DENND2C: variants seen among roughly 807,000 people sequenced by gnomAD.
DENND2C encodes DENN domain containing 2C.
DENND2C carries 72 observed loss-of-function variants against 112.4 expected under a neutral mutation model. That is an observed-to-expected ratio of 0.64 (90% CI 0.53 to 0.78). The LOEUF is 0.78. Ranked by LOEUF, DENND2C falls within the 30% of genes least tolerant of loss-of-function variation. DENND2C has a pLI of 0.00. For missense variants in DENND2C, 992 were observed against 1,113.8 expected (o/e 0.89, Z 1.56); for synonymous variants, 329 against 381.6 (o/e 0.86, Z 1.61).
chr1:114,629,509 C>A (rs1487882113), intron 3 of DENND2C, among the ~76,000 whole-genome samples: 1 of 152,162 alleles, frequency 6.6e-6, no homozygotes, highest in Non-Finnish European at 1.5e-5. Flanking sequence ...GAACTCCTGA[C>A]CTCAGGTGAT....
chr1:114,618,146 G>A (rs758439573), intron 8 of DENND2C, among the ~76,000 whole-genome samples: 14 of 151,970 alleles, frequency 9.2e-5, no homozygotes, highest in Admixed American at 6.6e-4. Context: ...CCGCCACCAC[G>A]CCTGGCTAAT....
intron 2 of DENND2C, among the ~76,000 whole-genome samples, chr1:114,650,604 G>A (rs1341518962): frequency 8.7e-5 from 13 of 149,526 alleles, no homozygotes; most frequent in African/African-American, 2.9e-4. Context: ...AACCCAGGAG[G>A]TGGAGCTTGC....
intron 15 of DENND2C, among the ~76,000 whole-genome samples, chr1:114,599,973 G>C (rs916881505): frequency 3.3e-5 from 5 of 151,856 alleles, no homozygotes. Context: ...GTCGTGGGGT[G>C]GGGGGATGGG....
chr1:114,630,557 G>C (rs1448832457), intron 3 of DENND2C, among the ~76,000 whole-genome samples: 1 of 152,168 alleles, frequency 6.6e-6, no homozygotes, highest in African/African-American at 2.4e-5. Context: ...ACTCCAGAAA[G>C]TAGGGTCAGG....
chr1:114,626,465 G>A (rs1656345351), intron 3 of DENND2C, among the ~76,000 whole-genome samples: 1 of 151,234 alleles, frequency 6.6e-6, no homozygotes, highest in African/African-American at 2.4e-5. Context: ...GGTTTTAGAA[G>A]AGATTATACA....
chr1:114,664,488 T>G (rs1570824589), intron 1 of DENND2C, among the ~76,000 whole-genome samples: 1 of 151,964 alleles, frequency 6.6e-6, no homozygotes, highest in East Asian at 2.0e-4. Flanking sequence ...TTTATTTAAA[T>G]TTTTTTGAGA....
At chr1:114,655,909 G>C (rs994696417) in intron 1 of DENND2C, among the ~76,000 whole-genome samples, 3 of 96,420 alleles carry the variant, frequency 3.1e-5, no homozygotes, top group African/African-American at 1.1e-4. Flanking sequence ...TAATATGTAT[G>C]TCAGTCATAT....
rs1655001225 is a variant in DENND2C, at chr1:114,584,929, G to C, written c.*671C>G. 1 of 152,076 alleles carries C rather than the reference G, an allele frequency of 6.6e-6. No individual in the cohort carries two copies. Among genetic ancestry groups the C allele is most frequent in the Non-Finnish European group, 1.5e-5 (1 of 68,016 alleles). 9.4% of individuals were successfully genotyped at this position (152,076 alleles called of 1,614,324 possible). A position where few individuals can be genotyped will look rare whatever the true frequency, so the allele number is the denominator to read the frequency against. ...CACAAAGTTTAATGTTGACATGTGA[G>C]GCACAAGCAAACTACTCAAATGCCA... On this transcript the variant is annotated 3_prime_UTR_variant, in exon 21 of 21. Transcript: ENST00000393274.
chr1:114,604,963 A>G lies in DENND2C; in HGVS notation c.1626T>C (p.Phe542=). The change falls in exon 11 of 21, where the codon TTT becomes TTC. Residue 542 remains phenylalanine, a synonymous_variant. Transcript: ENST00000393274. ...ERLKVIPKFC[F]PDSKDWMPTS... is the part of the protein sequence containing the mutation. ...TTGGCATCCAGTCCTTTGAATCAGGAAAACAAAATTTTGGAATAACTTTAA... is the reference window on the plus strand; with the variant it reads ...TTGGCATCCAGTCCTTTGAATCAGGGAAACAAAATTTTGGAATAACTTTAA... 1 of 1,613,866 alleles carries G rather than the reference A, an allele frequency of 6.2e-7. No individual in the cohort carries two copies.
chr1:114,620,613 T>C (rs1329912891), intron 7 of DENND2C, among the ~76,000 whole-genome samples: 2 of 152,210 alleles, frequency 1.3e-5, no homozygotes, highest in Non-Finnish European at 2.9e-5. Context: ...GAGGCTGCTT[T>C]GTTGTGCCAA....
chr1:114,655,869 TATATATATGTATAAA>T (rs1657294151), intron 1 of DENND2C, among the ~76,000 whole-genome samples: 1 of 53,944 alleles, frequency 1.9e-5, no homozygotes, highest in Non-Finnish European at 4.4e-5. Context: ...AGAACTTTTA[TATATATATGTATAAA>T]TATATATATA....
At chr1:114,617,785 C>A (rs1389751509) in intron 8 of DENND2C, among the ~76,000 whole-genome samples, 1 of 151,452 alleles carries the variant, frequency 6.6e-6, no homozygotes. Context: ...AGAGTCTATA[C>A]TGATAAATGA....
rs1484481039 is a variant in DENND2C, at chr1:114,660,713, C to T, written c.-573-5952G>A. On this transcript the variant is annotated intron_variant, in intron 1 of 20. Transcript: ENST00000393274. ...TCTAACCACATTTGCTATTCAATTGCTCATAATTATTTAATAGTTTTTTCC... is the reference window on the plus strand; with the variant it reads ...TCTAACCACATTTGCTATTCAATTGTTCATAATTATTTAATAGTTTTTTCC... Among the ~76,000 whole-genome samples the T allele has an allele frequency of 2.0e-5, 3 of 152,272 alleles. No individual in the cohort carries two copies. In the East Asian group the frequency reaches 5.8e-4, roughly 29 times the overall value.
chr1:114,610,996 T>G, intron 9 of DENND2C, 77 bp downstream of exon 9: 1 of 1,519,386 alleles, frequency 6.6e-7, no homozygotes, highest in Non-Finnish European at 9.0e-7. Context: ...AAAACATGCT[T>G]AGTCACAAAG....
At chr1:114,609,120 T>C (rs139318608) in intron 9 of DENND2C, among the ~76,000 whole-genome samples, 2 of 152,338 alleles carry the variant, frequency 1.3e-5, no homozygotes, top group Non-Finnish European at 2.9e-5. Flanking sequence ...TGACATTCCA[T>C]GTCCCAACCA....
chr1:114,585,918 T>C (rs1655025871), intron 20 of DENND2C, among the ~76,000 whole-genome samples: 1 of 152,202 alleles, frequency 6.6e-6, no homozygotes, highest in African/African-American at 2.4e-5. Context: ...AGAGATTTCC[T>C]GGAGCCCAGG....
Position 114,623,419 on chromosome 1 carries a change from T to C in DENND2C, c.943+88A>G, listed in dbSNP as rs1410811056. 6.7e-6 allele frequency: 9 copies of C among 1,334,270 alleles called. 1 individual carries two copies. The highest frequency in any genetic ancestry group is 9.3e-6 in the Non-Finnish European group (9 of 963,418). 82.7% of individuals were successfully genotyped at this position (1,334,270 alleles called of 1,614,324 possible). On this transcript the variant is annotated intron_variant, in intron 5 of 20. Transcript: ENST00000393274. ...AGAAAAACCTAGAGCAATATATGCT[T>C]GATTATAGAAGAAAATACCATCCTA...
chr1:114,593,574 C>T (rs1462040241), intron 18 of DENND2C, among the ~76,000 whole-genome samples: 1 of 152,016 alleles, frequency 6.6e-6, no homozygotes, highest in Non-Finnish European at 1.5e-5. Context: ...TGCTTGAGAC[C>T]AGGAGTTTGA....
At chr1:114,651,394 G>T (rs1657161929) in intron 2 of DENND2C, among the ~76,000 whole-genome samples, 1 of 152,024 alleles carries the variant, frequency 6.6e-6, no homozygotes, top group East Asian at 1.9e-4. Flanking sequence ...GGAGGCTACA[G>T]TGAGCCATGA....
Sources: gnomAD v4.1 joint callset for allele counts (sites outside exome capture counted in the v4.1 genomes callset) on GRCh38, gnomAD v4.1.1 for gene constraint, MANE v1.5 for transcripts, NCBI Gene and HGNC (gene_info 2026-07-23, HGNC 2026-07-21) for gene names.